CDC42SE2: variants seen among roughly 807,000 people sequenced by gnomAD.
CDC42SE2 encodes the protein CDC42 small effector protein 2.
Under a neutral mutation model 11.5 loss-of-function variants are expected in CDC42SE2, and 3 were observed. The ratio of observed to expected loss-of-function variants is 0.26; its 90% CI spans 0.12 to 0.67. CDC42SE2 has a LOEUF of 0.67. Among genes scored for constraint, CDC42SE2 ranks in the 30% least tolerant of loss-of-function variants. CDC42SE2 has a pLI of 0.80. For synonymous variants in CDC42SE2, 33 were observed against 34.8 expected (o/e 0.95, Z 0.18); for missense variants, 82 against 106.8 (o/e 0.77, Z 1.02).
intron 1 of CDC42SE2, among the ~76,000 whole-genome samples, chr5:131,309,835 CT>C (rs1348424521): frequency 6.6e-6 from 1 of 152,026 alleles, no homozygotes; most frequent in Non-Finnish European, 1.5e-5. Flanking sequence ...ATTCTTCTCT[CT>C]TTTTTTCTTT....
At chr5:131,388,612 G>A (rs989359486) in intron 4 of CDC42SE2, among the ~76,000 whole-genome samples, 1 of 151,900 alleles carries the variant, frequency 6.6e-6, no homozygotes, top group Non-Finnish European at 1.5e-5. Context: ...AAAGATTTCC[G>A]TTACCCGTTC....
intron 3 of CDC42SE2, among the ~76,000 whole-genome samples, chr5:131,383,284 T>C (rs1427552560): frequency 2.0e-5 from 3 of 152,212 alleles, no homozygotes; most frequent in Non-Finnish European, 2.9e-5. Context: ...TGCATTGTGC[T>C]AGGAAATAGA....
chr5:131,301,911 G>C (rs2149716605), intron 1 of CDC42SE2, among the ~76,000 whole-genome samples: 1 of 152,214 alleles, frequency 6.6e-6, no homozygotes, highest in Non-Finnish European at 1.5e-5. Context: ...GGAATAACCT[G>C]TCTGAAATCA....
chr5:131,367,637 G>T (rs1350389550), intron 3 of CDC42SE2, among the ~76,000 whole-genome samples: 2 of 152,164 alleles, frequency 1.3e-5, no homozygotes, highest in Non-Finnish European at 2.9e-5. Context: ...GTTTCCTCTT[G>T]TGTGAAAGAC....
chr5:131,297,286 C>T (rs1237064004), intron 1 of CDC42SE2, among the ~76,000 whole-genome samples: 1 of 151,324 alleles, frequency 6.6e-6, no homozygotes, highest in African/African-American at 2.4e-5. Context: ...TTCCATTCTT[C>T]TCCATTGTTT....
At chr5:131,323,546 G>GTTT (rs1561584661) in intron 2 of CDC42SE2, among the ~76,000 whole-genome samples, 1 of 96,630 alleles carries the variant, frequency 1.0e-5, no homozygotes, top group African/African-American at 4.6e-5. Context: ...CTCTCTCTCT[G>GTTT]GTTTTTTTTT....
At chr5:131,279,821 C>T (rs962206343) in intron 1 of CDC42SE2, among the ~76,000 whole-genome samples, 6 of 152,190 alleles carry the variant, frequency 3.9e-5, no homozygotes, top group African/African-American at 1.2e-4. Flanking sequence ...CGCTTGTAAT[C>T]CCGGCACTTT....
chr5:131,266,978 G>C (rs116444450), intron 1 of CDC42SE2, among the ~76,000 whole-genome samples: 1,948 of 112,092 alleles, frequency 0.017, 62 homozygotes, highest in African/African-American at 0.064. Context: ...TTTTTTTTTC[G>C]GATAAGCACA....
chr5:131,376,041 C>T (rs1267288855), intron 3 of CDC42SE2, among the ~76,000 whole-genome samples: 1 of 151,984 alleles, frequency 6.6e-6, no homozygotes, highest in Non-Finnish European at 1.5e-5. Context: ...GAGTTCGAGA[C>T]CAGCCTGACC....
At chr5:131,310,030 T>G (rs1252545016) in intron 1 of CDC42SE2, among the ~76,000 whole-genome samples, 1 of 152,226 alleles carries the variant, frequency 6.6e-6, no homozygotes, top group African/African-American at 2.4e-5. Flanking sequence ...TTCTTTTAAT[T>G]GTGATGTTAG....
At chr5:131,312,694 C>G (rs1757949931) in intron 1 of CDC42SE2, among the ~76,000 whole-genome samples, 1 of 152,164 alleles carries the variant, frequency 6.6e-6, no homozygotes, top group African/African-American at 2.4e-5. Flanking sequence ...GTGGGAGTGA[C>G]CCGATTTTCC....
chr5:131,235,292 A>ATT, the CDC42SE2 span, among the ~76,000 whole-genome samples: 2 of 138,884 alleles, frequency 1.4e-5, no homozygotes, highest in East Asian at 2.1e-4. Context: ...ACATCCAGAC[A>ATT]TTTTTTTTTT....
At chr5:131,360,312 G>A (rs1360643214) in intron 3 of CDC42SE2, among the ~76,000 whole-genome samples, 3 of 152,128 alleles carry the variant, frequency 2.0e-5, no homozygotes, top group Non-Finnish European at 4.4e-5. Context: ...TAGAGACAGG[G>A]TTTCACCATG....
upstream of CDC42SE2, among the ~76,000 whole-genome samples, chr5:131,260,477 G>A (rs1284692959): frequency 6.6e-6 from 1 of 151,472 alleles, no homozygotes; most frequent in Non-Finnish European, 1.5e-5. Flanking sequence ...ACAAAAATTA[G>A]CCAGGCGTGG....
the CDC42SE2 span, among the ~76,000 whole-genome samples, chr5:131,213,651 A>G: frequency 3.9e-5 from 6 of 152,180 alleles, no homozygotes; most frequent in East Asian, 1.2e-3. Context: ...GGGTCTCACT[A>G]TGTTGCCTAG....
At chr5:131,322,914 A>G (rs1758221320) in intron 2 of CDC42SE2, among the ~76,000 whole-genome samples, 1 of 152,186 alleles carries the variant, frequency 6.6e-6, no homozygotes, top group Non-Finnish European at 1.5e-5. Flanking sequence ...ACAGTGCACA[A>G]AGATTTCCTC....
intron 3 of CDC42SE2, among the ~76,000 whole-genome samples, chr5:131,378,585 T>A (rs57282985): frequency 2.3e-4 from 35 of 152,360 alleles, no homozygotes; most frequent in African/African-American, 8.4e-4. Context: ...ACAGACTTGT[T>A]TATTAACTAA....
the CDC42SE2 span, among the ~76,000 whole-genome samples, chr5:131,231,716 T>G: frequency 6.6e-6 from 1 of 152,200 alleles, no homozygotes; most frequent in African/African-American, 2.4e-5. Context: ...TTTCTTCCTT[T>G]TTGCCTTCTG....
At chr5:131,260,921 C>G (rs529479926), upstream of CDC42SE2, among the ~76,000 whole-genome samples, 3 of 152,326 alleles carry the variant, frequency 2.0e-5, no homozygotes, top group East Asian at 5.8e-4. Context: ...AAAACAAGAG[C>G]AAGACTCCAT....
Sources: gnomAD v4.1 joint callset for allele counts (sites outside exome capture counted in the v4.1 genomes callset) on GRCh38, gnomAD v4.1.1 for gene constraint, MANE v1.5 for transcripts, NCBI Gene and HGNC (gene_info 2026-07-23, HGNC 2026-07-21) for gene names.